Variants in TSPAN18 observed in about 807,000 individuals in gnomAD.
TSPAN18 encodes the protein tetraspanin 18, also known as tetraspanin-18.
A neutral mutation model predicts 27.3 loss-of-function variants in TSPAN18; 14 were observed. That is an observed-to-expected ratio of 0.51 (90% CI 0.34 to 0.80). The LOEUF is 0.80. Ranked by LOEUF, TSPAN18 falls within the 30% of genes least tolerant of loss-of-function variation. The pLI is 0.01. For synonymous variants in TSPAN18, 143 were observed against 136.5 expected, an observed-to-expected ratio of 1.05 and a Z score of -0.33; for missense variants, 268 against 323.9, an observed-to-expected ratio of 0.83 and a Z score of 1.32.
chr11:44,847,981 A>T (rs1857518982), intron 2 of TSPAN18, among the ~76,000 whole-genome samples: 1 of 138,316 alleles, frequency 7.2e-6, no homozygotes, highest in Non-Finnish European at 1.6e-5. Flanking sequence ...CTACAGGTAC[A>T]TGCCACTGTG....
intron 3 of TSPAN18, among the ~76,000 whole-genome samples, chr11:44,862,295 A>G (rs1857916688): frequency 1.3e-5 from 2 of 152,232 alleles, no homozygotes; most frequent in African/African-American, 4.8e-5. Context: ...TCATTTGAGC[A>G]AATATTCCTC....
At chr11:44,754,157 C>G (rs1016892551) in intron 1 of TSPAN18, among the ~76,000 whole-genome samples, 32 of 152,160 alleles carry the variant, frequency 2.1e-4, no homozygotes, top group African/African-American at 7.5e-4. Flanking sequence ...TCCTGCGGAC[C>G]TTTTCTGCAT....
At chr11:44,790,153 ATG>A (rs1554983799) in intron 2 of TSPAN18, among the ~76,000 whole-genome samples, 1 of 132,144 alleles carries the variant, frequency 7.6e-6, no homozygotes, top group Non-Finnish European at 1.5e-5. Context: ...GCGTGTGTGC[ATG>A]TGTGTGTGTG....
At position 44,930,734 on chromosome 11, in the gene TSPAN18, C is replaced by T. The variant is rs10838390; in HGVS notation, c.*1556C>T. 206,277 of 412,064 alleles carry T rather than the reference C, an allele frequency of 0.5. 55,524 individuals are homozygous for T. Among genetic ancestry groups the T allele is most frequent in the South Asian group, 0.67 (37,416 of 55,910 alleles). 25.5% of individuals were successfully genotyped at this position (412,064 alleles called of 1,614,324 possible). On this transcript the variant is annotated 3_prime_UTR_variant, in exon 10 of 10. Coordinates refer to ENST00000520358, the MANE Select transcript of TSPAN18 (RefSeq NM_130783.5). ...GGTTTGGTCTGGGCTCAGTGGGAGA[C>T]GGCAGTGCAATCCTGATGAGTGATG...
chr11:44,801,374 C>G (rs973474247), intron 2 of TSPAN18, among the ~76,000 whole-genome samples: 3 of 152,200 alleles, frequency 2.0e-5, no homozygotes, highest in Non-Finnish European at 4.4e-5. Context: ...CTTTTCTTAT[C>G]TGTCCCTGTC....
At chr11:44,855,215 G>C (rs967721060) in intron 2 of TSPAN18, among the ~76,000 whole-genome samples, 1 of 151,756 alleles carries the variant, frequency 6.6e-6, no homozygotes, top group Non-Finnish European at 1.5e-5. Context: ...GGTTTAATAA[G>C]CACACTGTGC....
At chr11:44,743,683 G>T (rs1855000755) in intron 1 of TSPAN18, among the ~76,000 whole-genome samples, 1 of 152,224 alleles carries the variant, frequency 6.6e-6, no homozygotes, top group Admixed American at 6.5e-5. Context: ...ACCTCTGAGA[G>T]CAACACGCAG....
At chr11:44,799,614 T>C (rs1856431632) in intron 2 of TSPAN18, among the ~76,000 whole-genome samples, 1 of 152,006 alleles carries the variant, frequency 6.6e-6, no homozygotes, top group African/African-American at 2.4e-5. Flanking sequence ...ATCGATTGGG[T>C]GTTTATTATG....
At chr11:44,777,918 T>A (rs1032711057) in intron 2 of TSPAN18, among the ~76,000 whole-genome samples, 32 of 152,158 alleles carry the variant, frequency 2.1e-4, no homozygotes, top group African/African-American at 7.5e-4. Flanking sequence ...GTGGGTTCTG[T>A]CTGCGGGGCT....
At position 44,918,034 on chromosome 11, in the gene TSPAN18, C is replaced by T; in HGVS notation, c.321C>T (p.Ile107=). Residue 107 remains isoleucine (I), a synonymous_variant, in exon 6 of 10, where the codon ATC becomes ATT. Coordinates refer to ENST00000520358, the MANE Select transcript of TSPAN18 (RefSeq NM_130783.5). ...AELSAAILAF[I]FRENLTREFF... ...TCTCAGCAGCCATCCTGGCCTTCAT[C>T]TTCAGGGAAAATGTACGTATCAGGC... The T allele has an allele frequency of 6.2e-7, 1 of 1,614,084 alleles. No individual in the cohort carries two copies. Among genetic ancestry groups the T allele is most frequent in the Non-Finnish European group, 8.5e-7 (1 of 1,180,024 alleles).
intron 2 of TSPAN18, among the ~76,000 whole-genome samples, chr11:44,788,276 T>G (rs1040382953): frequency 1.8e-4 from 27 of 152,042 alleles, no homozygotes; most frequent in African/African-American, 6.5e-4. Flanking sequence ...ACTTTCTGTG[T>G]GGATTGAAAT....
intron 1 of TSPAN18, among the ~76,000 whole-genome samples, chr11:44,730,280 G>A (rs865996039): frequency 6.6e-6 from 1 of 152,196 alleles, no homozygotes; most frequent in African/African-American, 2.4e-5. Context: ...TAGTCTGCAG[G>A]CTCGCTCCCC....
chr11:44,747,471 T>C (rs1855107208), intron 1 of TSPAN18, among the ~76,000 whole-genome samples: 1 of 152,172 alleles, frequency 6.6e-6, no homozygotes. Flanking sequence ...AGGGACTGTT[T>C]GTACTGAGCC....
intron 3 of TSPAN18, among the ~76,000 whole-genome samples, chr11:44,884,396 G>A (rs1344759769): frequency 3.3e-5 from 5 of 152,178 alleles, no homozygotes; most frequent in Non-Finnish European, 7.3e-5. Context: ...GTTCCCATGT[G>A]GTACAGGGGT....
At chr11:44,878,106 T>A (rs1486564204) in intron 3 of TSPAN18, among the ~76,000 whole-genome samples, 1 of 151,986 alleles carries the variant, frequency 6.6e-6, no homozygotes. Context: ...CAGCCATGCT[T>A]CCGGCCCCAC....
intron 2 of TSPAN18, among the ~76,000 whole-genome samples, chr11:44,827,094 T>G (rs10838363): frequency 0.23 from 35,412 of 152,070 alleles, 4,210 homozygotes; most frequent in South Asian, 0.4. Context: ...GAGTCTTGGG[T>G]GGATCCCGCC....
At chr11:44,739,680 TAA>T (rs1430227615) in intron 1 of TSPAN18, among the ~76,000 whole-genome samples, 1 of 152,068 alleles carries the variant, frequency 6.6e-6, no homozygotes, top group Non-Finnish European at 1.5e-5. Flanking sequence ...TAGGAAAAAA[TAA>T]AGAGTAACAT....
intron 2 of TSPAN18, among the ~76,000 whole-genome samples, chr11:44,816,593 G>A (rs1856822859): frequency 6.6e-6 from 1 of 152,186 alleles, no homozygotes; most frequent in South Asian, 2.1e-4. Context: ...AGGCAGGTGA[G>A]GGCCCACACA....
chr11:44,840,887 A>G (rs965762951), intron 2 of TSPAN18, among the ~76,000 whole-genome samples: 2 of 152,160 alleles, frequency 1.3e-5, no homozygotes, highest in Non-Finnish European at 2.9e-5. Flanking sequence ...GTACAACTGT[A>G]CTATTCTTAG....
Sources: allele counts gnomAD v4.1 joint callset (sites outside exome capture counted in the v4.1 genomes callset), GRCh38; gene constraint gnomAD v4.1.1; transcripts MANE v1.5; gene names NCBI Gene and HGNC (gene_info 2026-07-23, HGNC 2026-07-21).